The following SCIN variants were observed in gnomAD, a reference collection of about 807,000 sequenced individuals.
SCIN encodes adseverin.
In SCIN, 91 loss-of-function variants were observed where a neutral mutation model predicts 91.8. The observed-to-expected ratio is 0.99, with a 90% confidence interval of 0.84 to 1.18. The LOEUF (loss-of-function observed/expected upper bound fraction) is 1.18, where lower values mean the gene tolerates loss of function less well. Among genes scored for constraint, SCIN ranks in the 50% most tolerant of loss-of-function variants. The probability of loss-of-function intolerance (pLI) is 0.00; values close to 1 mark genes in which losing one functional copy is unlikely to be tolerated. For synonymous variants in SCIN, 367 were observed against 312.6 expected (o/e 1.17, Z -1.84); for missense variants, 1,087 against 863.9 (o/e 1.26, Z -3.24).
At chr7:12,585,447 C>A (rs779832031) in intron 3 of SCIN, among the ~76,000 whole-genome samples, 2 of 152,146 alleles carry the variant, frequency 1.3e-5, no homozygotes, top group Non-Finnish European at 2.9e-5. Context: ...CTCATCCCCA[C>A]CCAGAGCTTC....
Position 12,582,939 on chromosome 7 carries a change from G to C in SCIN, c.516+1718G>C, listed in dbSNP as rs997763588. Among the ~76,000 whole-genome samples the C allele has an allele frequency of 2.0e-5, 3 of 151,830 alleles. No homozygotes were observed. The East Asian group carries it at 5.8e-4, about 29-fold the overall frequency. On this transcript the variant is annotated intron_variant, in intron 3 of 15. Transcript: ENST00000297029. ...TATAAGTGCTTTTGAAAATAAAATG[G>C]CATTTTTATTAGAAAAAGGAGACCT... is the stretch of plus-strand genomic sequence containing the variant.
chr7:12,575,234 GTTTTC>G (rs746262539), intron 1 of SCIN, among the ~76,000 whole-genome samples: 4 of 146,846 alleles, frequency 2.7e-5, no homozygotes, highest in Admixed American at 1.3e-4. Context: ...TTCTAGGAGA[GTTTTC>G]TTTTTTTTTT....
At chr7:12,592,904 C>T (rs866975034) in intron 3 of SCIN, among the ~76,000 whole-genome samples, 14 of 152,080 alleles carry the variant, frequency 9.2e-5, no homozygotes, top group African/African-American at 2.2e-4. Flanking sequence ...CCCTGGGCTC[C>T]GATGCAGTGA....
intron 13 of SCIN, among the ~76,000 whole-genome samples, chr7:12,648,283 T>C (rs1023993144): frequency 2.0e-5 from 3 of 151,206 alleles, no homozygotes; most frequent in African/African-American, 4.8e-5. Flanking sequence ...TATTGACTTT[T>C]TCTCTCTCTC....
chr7:12,599,992 C>T (rs1042700283), intron 3 of SCIN, among the ~76,000 whole-genome samples: 6 of 152,112 alleles, frequency 3.9e-5, no homozygotes, highest in Admixed American at 1.3e-4. Flanking sequence ...CTTTCTTTTG[C>T]TGTGAAGAAG....
chr7:12,593,614 G>A (rs1387768172), intron 3 of SCIN, among the ~76,000 whole-genome samples: 3 of 152,176 alleles, frequency 2.0e-5, no homozygotes, highest in Non-Finnish European at 2.9e-5. Flanking sequence ...TCTGTAAGGC[G>A]GGAAAGAGAT....
chr7:12,622,425 G>A (rs868146058), intron 4 of SCIN, among the ~76,000 whole-genome samples: 3 of 152,066 alleles, frequency 2.0e-5, no homozygotes, highest in African/African-American at 4.8e-5. Flanking sequence ...TCATAAAACT[G>A]AGAGATTATT....
At chr7:12,623,489 A>T (rs2115271708) in intron 5 of SCIN, among the ~76,000 whole-genome samples, 1 of 152,324 alleles carries the variant, frequency 6.6e-6, no homozygotes, top group East Asian at 1.9e-4. Flanking sequence ...ACAACAAAGA[A>T]AGTAGGTTCC....
intron 4 of SCIN, among the ~76,000 whole-genome samples, chr7:12,614,154 A>G (rs1481720496): frequency 1.4e-4 from 21 of 152,192 alleles, no homozygotes; most frequent in Admixed American, 1.4e-3. Flanking sequence ...ATGGAACACT[A>G]TTGTTAGGGA....
chr7:12,605,011 T>G (rs1351457564), intron 4 of SCIN, among the ~76,000 whole-genome samples: 1 of 151,364 alleles, frequency 6.6e-6, no homozygotes, highest in Non-Finnish European at 1.5e-5. Flanking sequence ...AGTTCTTTCA[T>G]CTATTCATCT....
intron 4 of SCIN, among the ~76,000 whole-genome samples, chr7:12,617,395 A>G (rs1353510278): frequency 6.6e-6 from 1 of 152,102 alleles, no homozygotes; most frequent in African/African-American, 2.4e-5. Context: ...GGAGGTGTCA[A>G]AAAGACAATG....
In SCIN at chr7:12,624,900, C is replaced by T. The variant is rs538414397; in HGVS notation, c.760-110C>T. ...TGCATTTAAAGTGTACAATTCAATG[C>T]TTTTTATTTGATGACATTTACCGAG... is the stretch of plus-strand genomic sequence containing the variant. On this transcript the variant is annotated intron_variant, in intron 5 of 15. Coordinates refer to ENST00000297029, the MANE Select transcript of SCIN (RefSeq NM_001112706.3). 1.6e-5 allele frequency: 17 copies of T among 1,077,798 alleles called. No individual in the cohort carries two copies. The Admixed American group carries it at 2.7e-4, about 17-fold the overall frequency. 66.8% of individuals were successfully genotyped at this position (1,077,798 alleles called of 1,614,324 possible). A position where few individuals can be genotyped will look rare whatever the true frequency, so the allele number is the denominator to read the frequency against.
chr7:12,587,576 G>A (rs1288135109), intron 3 of SCIN, among the ~76,000 whole-genome samples: 1 of 151,898 alleles, frequency 6.6e-6, no homozygotes, highest in Non-Finnish European at 1.5e-5. Flanking sequence ...AGCCACTACT[G>A]CATTCTTCTC....
intron 3 of SCIN, among the ~76,000 whole-genome samples, chr7:12,596,891 C>A (rs1782854537): frequency 6.6e-6 from 1 of 152,102 alleles, no homozygotes; most frequent in Admixed American, 6.5e-5. Flanking sequence ...CATTATTGAC[C>A]AATCCTATAG....
At position 12,625,150 on chromosome 7, in the gene SCIN, A is replaced by G. The variant is rs755675023; in HGVS notation, c.892+8A>G. 6.2e-7 allele frequency: 1 copy of G among 1,606,256 alleles called. No homozygotes were observed. The highest frequency in any genetic ancestry group is 1.3e-5 in the African/African-American group (1 of 74,742). On this transcript the variant is annotated splice_region_variant and intron_variant, in intron 6 of 15. Coordinates refer to ENST00000297029, the MANE Select transcript of SCIN (RefSeq NM_001112706.3). ...AAATTTTCGTATGGAAAGGTAAAAA[A>G]TTCCATTGACGATGCTGTATTTCAG...
At chr7:12,639,431 C>T (rs1248946526) in intron 10 of SCIN, among the ~76,000 whole-genome samples, 3 of 152,210 alleles carry the variant, frequency 2.0e-5, no homozygotes, top group African/African-American at 4.8e-5. Flanking sequence ...GTACATGCAT[C>T]AGCATTCCCA....
At chr7:12,629,011 G>A in intron 8 of SCIN, 90 bp from the exon 9 acceptor site, 1 of 1,130,166 alleles carries the variant, frequency 8.8e-7, no homozygotes, top group Non-Finnish European at 1.2e-6. Flanking sequence ...GTTTAATAAT[G>A]GATTTGAACC....
chr7:12,644,572 T>G lies in SCIN; in HGVS notation c.1760-12T>G. On this transcript the variant is annotated splice_polypyrimidine_tract_variant and intron_variant, in intron 12 of 15. Transcript: ENST00000297029. ...TGAAAATGCACTGGATAACTGAGTGTGTTTTCCACAGAGGAGTTCTGGAAT... is the reference window on the plus strand; with the variant it reads ...TGAAAATGCACTGGATAACTGAGTGGGTTTTCCACAGAGGAGTTCTGGAAT... The G allele has an allele frequency of 1.2e-6, 2 of 1,612,568 alleles. No individual in the cohort carries two copies. The highest frequency in any genetic ancestry group is 1.7e-4 in the Middle Eastern group (1 of 6,060).
intron 3 of SCIN, among the ~76,000 whole-genome samples, chr7:12,582,127 G>A (rs936814288): frequency 1.3e-5 from 2 of 152,334 alleles, no homozygotes; most frequent in African/African-American, 4.8e-5. Flanking sequence ...CAGTTAGCAT[G>A]AGGCTTGTCT....
Sources: allele counts gnomAD v4.1 joint callset (sites outside exome capture counted in the v4.1 genomes callset), GRCh38; gene constraint gnomAD v4.1.1; transcripts MANE v1.5; gene names NCBI Gene and HGNC (gene_info 2026-07-23, HGNC 2026-07-21).